Variants in ADGRL3 observed in about 807,000 individuals in gnomAD.
The protein encoded by ADGRL3 is calcium-independent alpha-latrotoxin receptor 3.
Under a neutral mutation model 153.5 loss-of-function variants are expected in ADGRL3, and 62 were observed. The observed-to-expected ratio is 0.40, with a 90% CI of 0.33 to 0.50. ADGRL3 has a LOEUF of 0.50. Among genes scored for constraint, ADGRL3 ranks in the 20% least tolerant of loss-of-function variants. ADGRL3 has a pLI of 0.47. For missense variants in ADGRL3, 1,641 were observed against 1,859.4 expected, an observed-to-expected ratio of 0.88 and a Z score of 2.16; for synonymous variants, 710 against 672.5, an observed-to-expected ratio of 1.06 and a Z score of -0.86.
chr4:61,856,953 T>TTTCG (rs2098276486), intron 9 of ADGRL3, among the ~76,000 whole-genome samples: 1 of 36,652 alleles, frequency 2.7e-5, no homozygotes, highest in African/African-American at 1.1e-4. Context: ...TCTTCTTCTC[T>TTTCG]TTCTTTCTTT....
chr4:61,477,830 A>G (rs1214400451), intron 2 of ADGRL3, among the ~76,000 whole-genome samples: 3 of 152,060 alleles, frequency 2.0e-5, no homozygotes, highest in African/African-American at 7.2e-5. Flanking sequence ...AAGTATATAT[A>G]TAGTGTTGAA....
At chr4:61,667,271 TAA>T (rs972592738) in intron 5 of ADGRL3, among the ~76,000 whole-genome samples, 10 of 152,132 alleles carry the variant, frequency 6.6e-5, no homozygotes, top group African/African-American at 1.7e-4. Flanking sequence ...AGAATATTAT[TAA>T]GTCAATTTTA....
intron 4 of ADGRL3, among the ~76,000 whole-genome samples, chr4:61,581,630 G>A (rs1164213094): frequency 3.9e-5 from 6 of 151,908 alleles, no homozygotes; most frequent in African/African-American, 1.5e-4. Context: ...CTAGGTTATC[G>A]TTATCTACTT....
intron 2 of ADGRL3, among the ~76,000 whole-genome samples, chr4:61,432,559 CT>C: frequency 3.0e-5 from 1 of 32,850 alleles, no homozygotes; most frequent in East Asian, 3.6e-3. Context: ...TTATAGATTT[CT>C]TTTCTTTCTC....
intron 3 of ADGRL3, among the ~76,000 whole-genome samples, chr4:61,509,057 T>A (rs994009907): frequency 6.7e-6 from 1 of 150,140 alleles, no homozygotes; most frequent in Non-Finnish European, 1.5e-5. Context: ...CCACAACCCG[T>A]GGGAATTATG....
At chr4:61,916,817 G>T (rs1040028475) in intron 13 of ADGRL3, among the ~76,000 whole-genome samples, 1 of 152,104 alleles carries the variant, frequency 6.6e-6, no homozygotes, top group African/African-American at 2.4e-5. Flanking sequence ...GCTGGGCATG[G>T]TGGTACATGC....
intron 2 of ADGRL3, among the ~76,000 whole-genome samples, chr4:61,396,261 CATT>C (rs775406944): frequency 4.7e-4 from 72 of 151,684 alleles, no homozygotes; most frequent in Non-Finnish European, 8.3e-4. Flanking sequence ...AGATTTTTCT[CATT>C]ATTTATATTT....
chr4:62,009,443 T>C (rs558977979), intron 21 of ADGRL3, among the ~76,000 whole-genome samples: 1 of 152,244 alleles, frequency 6.6e-6, no homozygotes, highest in South Asian at 2.1e-4. Context: ...GCGTACTTTA[T>C]AAAATAGCTG....
At chr4:62,048,128 C>G (rs1215382082) in intron 25 of ADGRL3, among the ~76,000 whole-genome samples, 1 of 152,130 alleles carries the variant, frequency 6.6e-6, no homozygotes, top group Non-Finnish European at 1.5e-5. Context: ...TCTAGTAACT[C>G]CAACTTTCTG....
intron 2 of ADGRL3, among the ~76,000 whole-genome samples, chr4:61,412,322 A>G (rs1002281001): frequency 6.6e-6 from 1 of 152,130 alleles, no homozygotes; most frequent in Admixed American, 6.6e-5. Flanking sequence ...TCCTGAGCTC[A>G]AGCAATCCTA....
chr4:61,539,435 C>T (rs1053723590), intron 4 of ADGRL3, among the ~76,000 whole-genome samples: 4 of 152,170 alleles, frequency 2.6e-5, no homozygotes, highest in Admixed American at 2.0e-4. Context: ...TATGGGTGGC[C>T]CTCACTGAGC....
intron 2 of ADGRL3, among the ~76,000 whole-genome samples, chr4:61,456,850 AT>A (rs2097761622): frequency 6.6e-6 from 1 of 152,046 alleles, no homozygotes; most frequent in South Asian, 2.1e-4. Flanking sequence ...GTATACATCA[AT>A]TTTTATTCTA....
intron 1 of ADGRL3, among the ~76,000 whole-genome samples, chr4:61,370,459 C>G (rs1337900340): frequency 2.0e-5 from 3 of 151,784 alleles, no homozygotes; most frequent in African/African-American, 7.3e-5. Flanking sequence ...GAAAGAACAT[C>G]TTTATTTCTG....
intron 1 of ADGRL3, among the ~76,000 whole-genome samples, chr4:61,256,432 T>A (rs2091974338): frequency 6.6e-6 from 1 of 152,182 alleles, no homozygotes; most frequent in South Asian, 2.1e-4. Context: ...CTAGAATTGA[T>A]GAAAACGGTG....
chr4:62,029,132 A>G (rs959520769), intron 22 of ADGRL3, among the ~76,000 whole-genome samples: 4 of 151,786 alleles, frequency 2.6e-5, no homozygotes, highest in Non-Finnish European at 5.9e-5. Flanking sequence ...CACAGCAATA[A>G]CAATTTCCTG....
intron 9 of ADGRL3, among the ~76,000 whole-genome samples, chr4:61,814,280 T>C (rs1580960203): frequency 6.6e-6 from 1 of 152,046 alleles, no homozygotes; most frequent in Non-Finnish European, 1.5e-5. Context: ...GACAGATTTT[T>C]TTCCCCTGAA....
intron 4 of ADGRL3, among the ~76,000 whole-genome samples, chr4:61,565,768 C>T (rs755318894): frequency 1.3e-5 from 2 of 151,934 alleles, no homozygotes; most frequent in African/African-American, 4.8e-5. Flanking sequence ...GAACTCCTGG[C>T]CTCAGGGGAT....
At chr4:61,346,760 G>A (rs373777255) in intron 1 of ADGRL3, among the ~76,000 whole-genome samples, 1 of 139,732 alleles carries the variant, frequency 7.2e-6, no homozygotes, top group Non-Finnish European at 1.5e-5. Flanking sequence ...TCCAGCCTGG[G>A]CATCAAAGCC....
Position 62,008,701 on chromosome 4 carries a change from C to T in ADGRL3, c.3395+10436C>T, listed in dbSNP as rs551910381. Among the ~76,000 whole-genome samples the T allele has an allele frequency of 1.1e-4, 17 of 150,830 alleles. No individual in the cohort carries two copies. In the South Asian group the frequency reaches 3.1e-3, roughly 28 times the overall value. On this transcript the variant is annotated intron_variant, in intron 21 of 26. Transcript: ENST00000683033. ...AAAATTAATATTCCAATTATAAAAT[C>T]TATTTATATCTATATGTATATATGC...
Sources: gnomAD v4.1 joint callset for allele counts (sites outside exome capture counted in the v4.1 genomes callset) on GRCh38, gnomAD v4.1.1 for gene constraint, MANE v1.5 for transcripts, NCBI Gene and HGNC (gene_info 2026-07-23, HGNC 2026-07-21) for gene names.